Variants in RIN2 observed in about 807,000 individuals in gnomAD.
RIN2 encodes the protein Ras and Rab interactor 2.
A neutral mutation model predicts 78.0 loss-of-function variants in RIN2; 36 were observed. The ratio of observed to expected loss-of-function variants is 0.46; its 90% confidence interval spans 0.35 to 0.61. The LOEUF is 0.61. Ranked by LOEUF, RIN2 falls within the 20% of genes least tolerant of loss-of-function variation. The pLI is 0.00. For missense variants in RIN2, 1,087 were observed against 1,159.7 expected (o/e 0.94, Z 0.91); for synonymous variants, 466 against 466.8 (o/e 1.00, Z 0.02).
intron 10 of RIN2, 72 bp downstream of exon 10, chr20:19,990,383 G>C (rs933236297): frequency 7.1e-7 from 1 of 1,417,166 alleles, no homozygotes; most frequent in Admixed American, 2.5e-5. Flanking sequence ...CTCCTGTCAG[G>C]CTTTCTGATT....
chr20:19,836,629 C>A (rs1301398023), intron 2 of RIN2, among the ~76,000 whole-genome samples: 1 of 152,004 alleles, frequency 6.6e-6, no homozygotes, highest in Non-Finnish European at 1.5e-5. Flanking sequence ...TTATCTAAAT[C>A]TTTCTTCATT....
At chr20:19,989,450 A>G (rs1300054531) in intron 9 of RIN2, among the ~76,000 whole-genome samples, 1 of 151,722 alleles carries the variant, frequency 6.6e-6, no homozygotes, top group Non-Finnish European at 1.5e-5. Flanking sequence ...ATTTTTTTGT[A>G]TTTTTAGTAG....
intron 7 of RIN2, among the ~76,000 whole-genome samples, chr20:19,967,653 T>G (rs2041980877): frequency 6.6e-6 from 1 of 152,218 alleles, no homozygotes; most frequent in Non-Finnish European, 1.5e-5. Flanking sequence ...GGCAACGCTC[T>G]GTTGATTTGG....
chr20:19,803,403 A>G (rs371417635), intron 2 of RIN2, among the ~76,000 whole-genome samples: 1 of 152,242 alleles, frequency 6.6e-6, no homozygotes, highest in Non-Finnish European at 1.5e-5. Context: ...CACATAGACC[A>G]AAAGAACAGA....
Position 19,778,716 on chromosome 20 carries a change from G to A in RIN2, c.-163+20389G>A, listed in dbSNP as rs2034396161. ...GGAACTGGGCCACACCAAGTAATGGGGCAGTGGGCTGGGGACATTTGGAGG... is the reference window on the plus strand; with the variant it reads ...GGAACTGGGCCACACCAAGTAATGGAGCAGTGGGCTGGGGACATTTGGAGG... On this transcript the variant is annotated intron_variant, in intron 1 of 12. Transcript: ENST00000255006. Among the ~76,000 whole-genome samples, 3 of 152,190 alleles carry A rather than the reference G, an allele frequency of 2.0e-5. No individual in the cohort carries two copies. In the South Asian group the frequency reaches 6.2e-4, roughly 32 times the overall value.
chr20:19,919,681 C>T (rs2039832900), intron 3 of RIN2, among the ~76,000 whole-genome samples: 1 of 151,994 alleles, frequency 6.6e-6, no homozygotes. Flanking sequence ...TGGCATACAC[C>T]TGTAATCCTA....
intron 3 of RIN2, among the ~76,000 whole-genome samples, chr20:19,929,705 T>C (rs2040367176): frequency 6.6e-6 from 1 of 152,150 alleles, no homozygotes; most frequent in African/African-American, 2.4e-5. Flanking sequence ...AAAGCTGACA[T>C]TAAAACTGGC....
At chr20:19,768,881 A>T (rs1448849307) in intron 1 of RIN2, among the ~76,000 whole-genome samples, 1 of 150,482 alleles carries the variant, frequency 6.6e-6, no homozygotes, top group Non-Finnish European at 1.5e-5. Context: ...ATACCTATAG[A>T]TATATAAATA....
chr20:19,894,158 G>A (rs950777194), intron 3 of RIN2, among the ~76,000 whole-genome samples: 3 of 152,164 alleles, frequency 2.0e-5, no homozygotes, highest in Non-Finnish European at 2.9e-5. Context: ...CTGCTTTTAA[G>A]TAATAAATGT....
At position 19,868,294 on chromosome 20, in the gene RIN2, A is replaced by G. The variant is rs149321150; in HGVS notation, c.-36-21272A>G. Reference sequence around the variant, plus strand: ...TCGGAGAAAAACAGGAAATTGGGACATACGCGCTTTCCACCGCCTGGCTAC... The same window carrying G: ...TCGGAGAAAAACAGGAAATTGGGACGTACGCGCTTTCCACCGCCTGGCTAC... On this transcript the variant is annotated intron_variant, in intron 2 of 12. Transcript: ENST00000255006. 3.2e-3 allele frequency among the ~76,000 whole-genome samples: 485 copies of G among 152,360 alleles called. 1 individual carries two copies. The highest frequency in any genetic ancestry group is 0.011 in the African/African-American group (449 of 41,596).
At position 19,990,176 on chromosome 20, in the gene RIN2, A is replaced by T; in HGVS notation, c.1933A>T (p.Thr645Ser). Residue 645 changes from threonine to serine, a missense_variant, in exon 10 of 13, where the codon ACC becomes TCC. Transcript: ENST00000255006. ...NPQELGVFAP[T>S]PDFVDVEKIK... ...GCAGGAGCTGGGGGTCTTCGCCCCG[A>T]CCCCTGATTTTGTGGATGTGGAGAA... 1 of 1,606,730 alleles carries T rather than the reference A, an allele frequency of 6.2e-7. No homozygotes were observed. The highest frequency in any genetic ancestry group is 2.2e-5 in the East Asian group (1 of 44,690).
chr20:19,887,142 G>A (rs1184394223), intron 2 of RIN2, among the ~76,000 whole-genome samples: 3 of 151,114 alleles, frequency 2.0e-5, no homozygotes, highest in Non-Finnish European at 2.9e-5. Context: ...CCTCCCTCCT[G>A]AGTAGCTGGG....
chr20:19,771,417 G>A (rs1482774710), intron 1 of RIN2, among the ~76,000 whole-genome samples: 3 of 152,146 alleles, frequency 2.0e-5, no homozygotes, highest in Non-Finnish European at 2.9e-5. Context: ...CCTCCTTTGC[G>A]TATTCCTCAT....
intron 2 of RIN2, among the ~76,000 whole-genome samples, chr20:19,823,093 A>G (rs2035977389): frequency 7.2e-6 from 1 of 139,166 alleles, no homozygotes; most frequent in Non-Finnish European, 1.5e-5. Context: ...TGAGGAAACT[A>G]AAGCACAGAG....
intron 1 of RIN2, among the ~76,000 whole-genome samples, chr20:19,784,036 C>T (rs745314249): frequency 8.5e-5 from 13 of 152,220 alleles, no homozygotes; most frequent in Non-Finnish European, 1.3e-4. Context: ...GAGACACTGA[C>T]GGACACAGTG....
At chr20:19,877,366 G>A (rs955562742) in intron 2 of RIN2, among the ~76,000 whole-genome samples, 2 of 152,196 alleles carry the variant, frequency 1.3e-5, no homozygotes, top group Admixed American at 1.3e-4. Flanking sequence ...CTTACTGGAT[G>A]TGTTTTGACT....
chr20:19,936,274 C>A (rs1009331987), intron 4 of RIN2, among the ~76,000 whole-genome samples: 9 of 152,184 alleles, frequency 5.9e-5, no homozygotes, highest in African/African-American at 2.2e-4. Flanking sequence ...GCACACCCAG[C>A]ATTCTATGAT....
intron 4 of RIN2, among the ~76,000 whole-genome samples, chr20:19,944,888 C>T (rs1415728784): frequency 1.3e-5 from 2 of 152,096 alleles, no homozygotes; most frequent in African/African-American, 4.8e-5. Context: ...GTGTTAATAC[C>T]ACAGGATTTG....
chr20:19,789,573 A>G (rs1444700332), intron 1 of RIN2, among the ~76,000 whole-genome samples: 2 of 152,058 alleles, frequency 1.3e-5, no homozygotes, highest in Non-Finnish European at 2.9e-5. Context: ...TGCAGTTGGT[A>G]TCTTGGGCAT....
Sources: gnomAD v4.1 joint callset for allele counts (sites outside exome capture counted in the v4.1 genomes callset) on GRCh38, gnomAD v4.1.1 for gene constraint, MANE v1.5 for transcripts, NCBI Gene and HGNC (gene_info 2026-07-23, HGNC 2026-07-21) for gene names.